Variants in ZNF718 observed in about 807,000 individuals in gnomAD.
ZNF718 encodes the protein zinc finger protein 718.
In ZNF718, 3 loss-of-function variants were observed where a neutral mutation model predicts 2.6. The observed-to-expected ratio is 1.16, with a 90% CI of 0.53 to 3.01. The LOEUF is 3.01. ZNF718 is among the 30% of genes most tolerant of loss of function. The pLI is 0.03. For synonymous variants in ZNF718, 135 were observed against 77.9 expected (o/e 1.73, Z -3.86); for missense variants, 468 against 230.0 (o/e 2.03, Z -6.69).
downstream of ZNF718, among the ~76,000 whole-genome samples, chr4:168,739 C>G (rs1390268109): frequency 5.3e-5 from 8 of 152,006 alleles, no homozygotes; most frequent in African/African-American, 1.9e-4. Flanking sequence ...TGATTCTTCT[C>G]TCTTTTCTTC....
chr4:159,132 G>A (rs1716713136), intron 3 of ZNF718, among the ~76,000 whole-genome samples: 1 of 151,352 alleles, frequency 6.6e-6, no homozygotes, highest in African/African-American at 2.4e-5. Context: ...TGCCTCCTGG[G>A]TTCAAGCAAT....
At chr4:192,045 A>T (rs1553821312) in intron 3 of ZNF718, among the ~76,000 whole-genome samples, 12 of 152,196 alleles carry the variant, frequency 7.9e-5, no homozygotes, top group Non-Finnish European at 1.5e-5. Context: ...GTGAGCCTCT[A>T]GCACAGTCAG....
chr4:133,339 G>A (rs1715410560), intron 3 of ZNF718, among the ~76,000 whole-genome samples: 1 of 151,454 alleles, frequency 6.6e-6, no homozygotes, highest in African/African-American at 2.4e-5. Flanking sequence ...CAAAGGGTTG[G>A]CCACCACTGA....
chr4:138,282 C>A (rs1413352455), intron 3 of ZNF718, among the ~76,000 whole-genome samples: 2 of 152,214 alleles, frequency 1.3e-5, no homozygotes, highest in African/African-American at 4.8e-5. Flanking sequence ...TTCCCCCAGT[C>A]CCCTGCTACA....
In ZNF718 at chr4:163,602, T is replaced by G. The variant is rs980338795; in HGVS notation, c.*1480T>G. 3 of 152,262 alleles carry G rather than the reference T, an allele frequency of 2.0e-5. No individual in the cohort carries two copies. The highest frequency in any genetic ancestry group is 4.4e-5 in the Non-Finnish European group (3 of 67,996). The allele number at this position is 152,262 out of a possible 1,614,324, so 9.4% of individuals were successfully genotyped here. A position where few individuals can be genotyped will look rare whatever the true frequency, so the allele number is the denominator to read the frequency against. On this transcript the variant is annotated 3_prime_UTR_variant, in exon 4 of 4. Transcript: ENST00000510175. Reference sequence around the variant, plus strand: ...AGAGTAATATTCTTCTGCATTATAGTGAGAGAAAAATCTTGAATTTTAGTA... The same window carrying G: ...AGAGTAATATTCTTCTGCATTATAGGGAGAGAAAAATCTTGAATTTTAGTA...
At chr4:168,925 G>C (rs185437962), downstream of ZNF718, among the ~76,000 whole-genome samples, 2 of 152,092 alleles carry the variant, frequency 1.3e-5, no homozygotes, top group Non-Finnish European at 2.9e-5. Flanking sequence ...TGGTTCTCTA[G>C]TTCTTTTAAT....
chr4:167,012 G>T (rs539837596), downstream of ZNF718, among the ~76,000 whole-genome samples: 1 of 151,992 alleles, frequency 6.6e-6, no homozygotes. Context: ...TAATCCATCG[G>T]GAATTAATTT....
intron 3 of ZNF718, among the ~76,000 whole-genome samples, chr4:180,462 A>G (rs1336024197): frequency 6.6e-6 from 1 of 152,224 alleles, no homozygotes; most frequent in East Asian, 1.9e-4. Flanking sequence ...AGTATAAGAA[A>G]AACTCTCGGT....
chr4:161,713 A>G lies in ZNF718; in HGVS notation c.1028A>G (p.Glu343Gly), dbSNP rs1553815320. The G allele has an allele frequency of 1.3e-6, 1 of 779,258 alleles. No homozygotes were observed. The highest frequency in any genetic ancestry group is 2.4e-6 in the Non-Finnish European group (1 of 417,100). The allele number at this position is 779,258 out of a possible 1,614,324, so 48.3% of individuals were successfully genotyped here. A position where few individuals can be genotyped will look rare whatever the true frequency, so the allele number is the denominator to read the frequency against. The change falls in exon 4 of 4, where the codon GAA (glutamate) becomes GGA (glycine). Residue 343 changes from glutamate to glycine, a missense_variant. By Grantham distance (98) the Glu-to-Gly change is moderately conservative. Transcript: ENST00000510175. The part of the protein sequence containing the change: ...HTGEKPYKCE[E>G]CGKSFNRSTT... Reference sequence around the variant, plus strand: ...GGAGAGAAACCCTACAAATGTGAAGAATGTGGAAAATCCTTTAATAGGTCC... The same window carrying G: ...GGAGAGAAACCCTACAAATGTGAAGGATGTGGAAAATCCTTTAATAGGTCC...
At chr4:147,078 C>A (rs1416803274) in intron 3 of ZNF718, among the ~76,000 whole-genome samples, 1 of 152,158 alleles carries the variant, frequency 6.6e-6, no homozygotes, top group Non-Finnish European at 1.5e-5. Flanking sequence ...TCAAGCGATT[C>A]TTTTGCCTCA....
At position 132,044 on chromosome 4, in the gene ZNF718, CA is replaced by C. The variant is rs1396751571; in HGVS notation, c.226+553del. The stretch of plus-strand genomic sequence containing the variant: ...TGAGCGACAGAGCGAGACTCCGTCT[CA>C]AAAAAAAAAAAAACCCAGGAGGCAG... On this transcript the variant is annotated intron_variant, in intron 3 of 3. Coordinates refer to ENST00000510175, the MANE Select transcript of ZNF718 (RefSeq NM_001039127.6). Among the ~76,000 whole-genome samples, 481 of 61,380 alleles carry C rather than the reference CA, an allele frequency of 7.8e-3. 123 individuals are homozygous for C. Among genetic ancestry groups the C allele is most frequent in the Middle Eastern group, 0.02 (2 of 98 alleles). The allele number at this position is 61,380 out of a possible 152,430, so 40.3% of individuals were successfully genotyped here.
intron 3 of ZNF718, among the ~76,000 whole-genome samples, chr4:190,417 A>G (rs111884337): frequency 0.058 from 8,687 of 149,706 alleles, 726 homozygotes; most frequent in African/African-American, 0.18. Context: ...GTGAGAGAGC[A>G]AAACTCCATC....
chr4:188,696 G>T (rs1436585662), intron 3 of ZNF718, among the ~76,000 whole-genome samples: 4 of 152,190 alleles, frequency 2.6e-5, no homozygotes, highest in Admixed American at 6.5e-5. Flanking sequence ...CCAAGGCCCT[G>T]GTCAAGTGGG....
At chr4:180,694 A>T (rs1717445960) in intron 3 of ZNF718, among the ~76,000 whole-genome samples, 1 of 152,220 alleles carries the variant, frequency 6.6e-6, no homozygotes, top group Non-Finnish European at 1.5e-5. Flanking sequence ...TTCTGGAAAC[A>T]CACTCTAGTT....
At position 161,370 on chromosome 4, in the gene ZNF718, T is replaced by C. The variant is rs1553815075; in HGVS notation, c.685T>C (p.Cys229Arg). The C allele has an allele frequency of 5.1e-6, 4 of 778,972 alleles. No homozygotes were observed. Among genetic ancestry groups the C allele is most frequent in the African/African-American group, 1.7e-5 (1 of 59,018 alleles). The allele number at this position is 778,972 out of a possible 1,614,324, so 48.3% of individuals were successfully genotyped here. Residue 229 changes from cysteine to arginine, a missense_variant, in exon 4 of 4, where the codon TGT becomes CGT. Transcript: ENST00000510175. ...RIHAREKFYKCEECGKGFTRS... is the reference protein window; with the variant it reads ...RIHAREKFYKREECGKGFTRS... Reference sequence around the variant, plus strand: ...TCATGCCAGAGAGAAATTCTACAAGTGTGAAGAATGTGGTAAAGGCTTTAC... The same window carrying C: ...TCATGCCAGAGAGAAATTCTACAAGCGTGAAGAATGTGGTAAAGGCTTTAC...
chr4:153,919 C>T (rs1347673409), intron 3 of ZNF718, among the ~76,000 whole-genome samples: 2 of 152,188 alleles, frequency 1.3e-5, no homozygotes, highest in African/African-American at 4.8e-5. Flanking sequence ...CAATATTCAA[C>T]TGTGTACACT....
At chr4:187,941 T>C (rs1717601141) in intron 3 of ZNF718, among the ~76,000 whole-genome samples, 1 of 152,244 alleles carries the variant, frequency 6.6e-6, no homozygotes, top group East Asian at 1.9e-4. Context: ...AACATGGGCA[T>C]GGGTGGCAGG....
intron 3 of ZNF718, among the ~76,000 whole-genome samples, chr4:170,570 C>A (rs1050752237): frequency 7.9e-5 from 12 of 152,102 alleles, no homozygotes; most frequent in Middle Eastern, 6.8e-3. Context: ...TTTCTCTAAA[C>A]TTCTCTTCTC....
chr4:147,757 G>C (rs1466868011), intron 3 of ZNF718, among the ~76,000 whole-genome samples: 1 of 152,142 alleles, frequency 6.6e-6, no homozygotes, highest in Non-Finnish European at 1.5e-5. Context: ...CCAGCTACTT[G>C]GGAGGCTGAG....
Sources: gnomAD v4.1 joint callset for allele counts (sites outside exome capture counted in the v4.1 genomes callset) on GRCh38, gnomAD v4.1.1 for gene constraint, MANE v1.5 for transcripts, NCBI Gene and HGNC (gene_info 2026-07-23, HGNC 2026-07-21) for gene names.